CA10: variants seen among roughly 807,000 people sequenced by gnomAD.
CA10 encodes the protein carbonic anhydrase-related protein 10.
CA10 carries 14 observed loss-of-function variants against 44.2 expected under a neutral mutation model. That is an observed-to-expected ratio of 0.32 (90% CI 0.21 to 0.50). The LOEUF (loss-of-function observed/expected upper bound fraction) is 0.50, where lower values mean the gene tolerates loss of function less well. CA10 is among the 20% of genes least tolerant of loss of function. CA10 has a pLI of 0.99. For missense variants in CA10, 350 were observed against 409.7 expected, an observed-to-expected ratio of 0.85 and a Z score of 1.26; for synonymous variants, 159 against 141.6, an observed-to-expected ratio of 1.12 and a Z score of -0.87.
intron 4 of CA10, among the ~76,000 whole-genome samples, chr17:51,676,912 T>C (rs16950361): frequency 0.11 from 16,946 of 152,060 alleles, 1,166 homozygotes; most frequent in East Asian, 0.29. Context: ...AATGTGATGA[T>C]GGGTCTACCA....
intron 1 of CA10, among the ~76,000 whole-genome samples, chr17:52,139,280 A>G (rs1015021869): frequency 6.6e-6 from 1 of 152,144 alleles, no homozygotes; most frequent in Non-Finnish European, 1.5e-5. Flanking sequence ...AAAGCACTTT[A>G]TGGCCTTTAG....
At chr17:51,867,175 C>T (rs1340615018) in intron 3 of CA10, among the ~76,000 whole-genome samples, 1 of 152,100 alleles carries the variant, frequency 6.6e-6, no homozygotes, top group Non-Finnish European at 1.5e-5. Context: ...ACATTTATAA[C>T]ACTGGGCAGT....
intron 2 of CA10, among the ~76,000 whole-genome samples, chr17:52,004,028 G>T (rs1334126839): frequency 6.6e-6 from 1 of 151,600 alleles, no homozygotes; most frequent in African/African-American, 2.4e-5. Flanking sequence ...ATCCCAAAGG[G>T]CTGCTTCCTC....
intron 6 of CA10, among the ~76,000 whole-genome samples, chr17:51,644,653 C>T (rs1200039684): frequency 6.6e-6 from 1 of 152,142 alleles, no homozygotes; most frequent in Non-Finnish European, 1.5e-5. Context: ...CACGGATACG[C>T]TTCATCCACA....
chr17:52,106,262 T>C (rs950490915), intron 1 of CA10, among the ~76,000 whole-genome samples: 2 of 152,206 alleles, frequency 1.3e-5, no homozygotes, highest in African/African-American at 4.8e-5. Context: ...GGCCATTCAT[T>C]CCGTTTCCAA....
chr17:51,742,369 T>C (rs1904500852), intron 4 of CA10, among the ~76,000 whole-genome samples: 1 of 152,192 alleles, frequency 6.6e-6, no homozygotes, highest in South Asian at 2.1e-4. Flanking sequence ...AAGTGCTAAT[T>C]ACATTGCCTG....
intron 6 of CA10, among the ~76,000 whole-genome samples, chr17:51,643,439 G>A (rs776217960): frequency 5.9e-5 from 9 of 152,052 alleles, no homozygotes; most frequent in Non-Finnish European, 7.4e-5. Context: ...CTGTTGAAGG[G>A]GAATTTGACT....
At chr17:51,931,769 A>G (rs203086) in intron 2 of CA10, among the ~76,000 whole-genome samples, 103,038 of 151,964 alleles carry the variant, frequency 0.68, 35,273 homozygotes, top group Non-Finnish European at 0.71. Context: ...AAATGACATT[A>G]AGAGCTGAGC....
At chr17:51,704,944 G>A (rs2143471849) in intron 4 of CA10, among the ~76,000 whole-genome samples, 1 of 151,492 alleles carries the variant, frequency 6.6e-6, no homozygotes, top group South Asian at 2.1e-4. Flanking sequence ...ACTCCAGCCT[G>A]GGTGACAGAG....
chr17:51,668,133 G>C (rs1351792697), intron 4 of CA10, among the ~76,000 whole-genome samples: 1 of 152,196 alleles, frequency 6.6e-6, no homozygotes, highest in African/African-American at 2.4e-5. Flanking sequence ...AGTAGAACTG[G>C]GTCAGCTAGA....
intron 3 of CA10, among the ~76,000 whole-genome samples, chr17:51,886,973 T>C (rs1980630915): frequency 6.6e-6 from 1 of 152,110 alleles, no homozygotes; most frequent in Non-Finnish European, 1.5e-5. Context: ...TGCACCCTGC[T>C]CTATTCTCAT....
chr17:51,842,710 C>T (rs55930340), intron 3 of CA10, among the ~76,000 whole-genome samples: 1 of 147,326 alleles, frequency 6.8e-6, no homozygotes, highest in Non-Finnish European at 1.5e-5. Flanking sequence ...CATATTAAAC[C>T]TTTTTTTTTT....
At chr17:52,118,874 T>A (rs541458724) in intron 1 of CA10, among the ~76,000 whole-genome samples, 9 of 152,296 alleles carry the variant, frequency 5.9e-5, no homozygotes, top group African/African-American at 1.9e-4. Flanking sequence ...AAAAGATGGT[T>A]TATAATCAGC....
chr17:52,026,450 C>A (rs2144163797), intron 2 of CA10, among the ~76,000 whole-genome samples: 1 of 152,190 alleles, frequency 6.6e-6, no homozygotes, highest in East Asian at 1.9e-4. Context: ...AAGACAGAGG[C>A]AGATGATGGG....
At chr17:52,066,138 G>A (rs112140150) in intron 2 of CA10, among the ~76,000 whole-genome samples, 183 of 152,184 alleles carry the variant, frequency 1.2e-3, no homozygotes, top group African/African-American at 4.1e-3. Context: ...GTATGAAAAC[G>A]GACTAATAGA....
At chr17:51,968,203 C>T (rs1457194852) in intron 2 of CA10, among the ~76,000 whole-genome samples, 1 of 151,826 alleles carries the variant, frequency 6.6e-6, no homozygotes, top group Non-Finnish European at 1.5e-5. Flanking sequence ...GGCCACAGCA[C>T]AGCAGTACCC....
chr17:52,134,379 CA>C (rs1989304793), intron 1 of CA10, among the ~76,000 whole-genome samples: 1 of 152,112 alleles, frequency 6.6e-6, no homozygotes, highest in Admixed American at 6.5e-5. Flanking sequence ...TTTCTAGTGC[CA>C]AACTTGGGTT....
At chr17:51,706,952 C>T (rs1311679894) in intron 4 of CA10, among the ~76,000 whole-genome samples, 3 of 152,280 alleles carry the variant, frequency 2.0e-5, no homozygotes, top group South Asian at 2.1e-4. Flanking sequence ...CCACACTGGA[C>T]GCCTTTTCCT....
At chr17:51,768,495 T>C (rs1198937650) in intron 3 of CA10, among the ~76,000 whole-genome samples, 1 of 152,360 alleles carries the variant, frequency 6.6e-6, no homozygotes, top group East Asian at 1.9e-4. Context: ...AATATTGCTC[T>C]ATTGATCTTA....
Sources: gnomAD v4.1 joint callset for allele counts (sites outside exome capture counted in the v4.1 genomes callset) on GRCh38, gnomAD v4.1.1 for gene constraint, MANE v1.5 for transcripts, NCBI Gene and HGNC (gene_info 2026-07-23, HGNC 2026-07-21) for gene names.